TRERF1: variants seen among roughly 807,000 people sequenced by gnomAD.
TRERF1 encodes the protein transcriptional-regulating factor 1.
In TRERF1, 27 loss-of-function variants were observed where a neutral mutation model predicts 122.9. That is an observed-to-expected ratio of 0.22 (90% CI 0.16 to 0.30). The LOEUF is 0.30. Among genes scored for constraint, TRERF1 ranks in the 10% least tolerant of loss-of-function variants. The pLI, the probability that TRERF1 is intolerant of heterozygous loss-of-function variation, is 1.00. For missense variants in TRERF1, 1,248 were observed against 1,560.3 expected, an observed-to-expected ratio of 0.80 and a Z score of 3.37; for synonymous variants, 636 against 641.7, an observed-to-expected ratio of 0.99 and a Z score of 0.13.
chr6:42,246,873 G>A (rs1774898388), intron 13 of TRERF1, among the ~76,000 whole-genome samples: 1 of 152,170 alleles, frequency 6.6e-6, no homozygotes, highest in Non-Finnish European at 1.5e-5. Flanking sequence ...CAGCATCATC[G>A]CTGGGAAACA....
intron 17 of TRERF1, among the ~76,000 whole-genome samples, chr6:42,231,329 A>G (rs1770512328): frequency 6.6e-6 from 1 of 152,216 alleles, no homozygotes; most frequent in Admixed American, 6.5e-5. Context: ...TATTTTCTTT[A>G]TAAATTATCC....
intron 4 of TRERF1, among the ~76,000 whole-genome samples, chr6:42,277,870 A>AG (rs1455614017): frequency 1.5e-5 from 2 of 129,712 alleles, no homozygotes; most frequent in African/African-American, 3.0e-5. Context: ...GGAAGAAGGA[A>AG]GAAGAAGGAA....
intron 3 of TRERF1, among the ~76,000 whole-genome samples, chr6:42,342,339 A>G (rs552325342): frequency 6.6e-6 from 1 of 152,254 alleles, no homozygotes. Context: ...CTTTGGCTTG[A>G]CCTGGGGTCA....
chr6:42,420,261 C>T (rs1012133153), intron 2 of TRERF1, among the ~76,000 whole-genome samples: 10 of 152,178 alleles, frequency 6.6e-5, no homozygotes, highest in African/African-American at 2.2e-4. Flanking sequence ...TCAATAGGCA[C>T]TTCACTTTGT....
intron 5 of TRERF1, among the ~76,000 whole-genome samples, chr6:42,267,753 G>GA (rs1779468552): frequency 6.6e-6 from 1 of 152,324 alleles, no homozygotes; most frequent in Admixed American, 6.5e-5. Context: ...TATACTTTGA[G>GA]AAATGCTGTC....
At chr6:42,407,499 C>G (rs1780345540) in intron 2 of TRERF1, among the ~76,000 whole-genome samples, 1 of 152,092 alleles carries the variant, frequency 6.6e-6, no homozygotes, top group Non-Finnish European at 1.5e-5. Flanking sequence ...AAAGAGAATG[C>G]CTGCTCAGAA....
At chr6:42,383,213 C>T (rs1263460561) in intron 2 of TRERF1, among the ~76,000 whole-genome samples, 1 of 151,950 alleles carries the variant, frequency 6.6e-6, no homozygotes, top group Non-Finnish European at 1.5e-5. Flanking sequence ...CCTGGGTGAC[C>T]GAGTGAGACC....
chr6:42,274,666 G>A (rs899134297), intron 4 of TRERF1, among the ~76,000 whole-genome samples: 18 of 151,988 alleles, frequency 1.2e-4, no homozygotes, highest in African/African-American at 4.4e-4. Context: ...GCAAGAGAGT[G>A]AGACCCTGTC....
chr6:42,413,427 C>T (rs1288575511), intron 2 of TRERF1, among the ~76,000 whole-genome samples: 1 of 128,116 alleles, frequency 7.8e-6, no homozygotes, highest in Non-Finnish European at 1.6e-5. Flanking sequence ...TCAGAATCTG[C>T]ATTTTTTTTT....
intron 3 of TRERF1, among the ~76,000 whole-genome samples, chr6:42,326,581 G>A (rs1764332376): frequency 6.6e-6 from 1 of 152,208 alleles, no homozygotes; most frequent in African/African-American, 2.4e-5. Context: ...ACCCTGGCTT[G>A]CTTTGCTCTA....
At chr6:42,429,139 C>G (rs1198074340) in intron 2 of TRERF1, among the ~76,000 whole-genome samples, 1 of 152,200 alleles carries the variant, frequency 6.6e-6, no homozygotes, top group East Asian at 1.9e-4. Flanking sequence ...CAAGGAGGAC[C>G]ACACTCCTAA....
intron 2 of TRERF1, among the ~76,000 whole-genome samples, chr6:42,417,806 C>T (rs986266586): frequency 6.6e-6 from 1 of 152,184 alleles, no homozygotes; most frequent in African/African-American, 2.4e-5. Flanking sequence ...CACACCCCCC[C>T]AACAGTCTAT....
chr6:42,348,122 T>G (rs193039648), intron 3 of TRERF1, among the ~76,000 whole-genome samples: 1 of 152,232 alleles, frequency 6.6e-6, no homozygotes, highest in Non-Finnish European at 1.5e-5. Context: ...GTCCACACTA[T>G]GAAGGTGGGG....
intron 2 of TRERF1, among the ~76,000 whole-genome samples, chr6:42,395,606 C>G (rs534092718): frequency 4.4e-4 from 67 of 152,142 alleles, no homozygotes; most frequent in African/African-American, 1.6e-3. Context: ...AAGAGAGAAG[C>G]TACTAGCTAA....
chr6:42,304,727 T>C (rs2150290451), intron 3 of TRERF1, among the ~76,000 whole-genome samples: 1 of 152,098 alleles, frequency 6.6e-6, no homozygotes, highest in Non-Finnish European at 1.5e-5. Context: ...GCCGAGACAA[T>C]GAAAAAACTC....
intron 2 of TRERF1, among the ~76,000 whole-genome samples, chr6:42,375,003 CAA>C (rs55696342): frequency 0.012 from 1,008 of 87,478 alleles, 9 homozygotes; most frequent in African/African-American, 0.019. Context: ...AAGATTCTGT[CAA>C]AAAAAAAAAA....
chr6:42,341,063 C>G (rs77928209), intron 3 of TRERF1, among the ~76,000 whole-genome samples: 1 of 152,178 alleles, frequency 6.6e-6, no homozygotes, highest in Non-Finnish European at 1.5e-5. Context: ...GGATTCCCCC[C>G]ACATCCTTCC....
chr6:42,390,582 G>A (rs1238628072), intron 2 of TRERF1, among the ~76,000 whole-genome samples: 1 of 152,164 alleles, frequency 6.6e-6, no homozygotes, highest in Non-Finnish European at 1.5e-5. Context: ...ATCACTGTAA[G>A]GTTTCAGTGG....
chr6:42,354,605 T>A (rs1770152621), intron 3 of TRERF1, among the ~76,000 whole-genome samples: 2 of 152,212 alleles, frequency 1.3e-5, no homozygotes, highest in Non-Finnish European at 2.9e-5. Context: ...AATTATTTAT[T>A]GAATAATTTT....
Sources: gnomAD v4.1 joint callset for allele counts (sites outside exome capture counted in the v4.1 genomes callset) on GRCh38, gnomAD v4.1.1 for gene constraint, MANE v1.5 for transcripts, NCBI Gene and HGNC (gene_info 2026-07-23, HGNC 2026-07-21) for gene names.